AGO3: variants seen among roughly 807,000 people sequenced by gnomAD.
AGO3 encodes the protein argonaute RISC catalytic component 3, also known as protein argonaute-3.
AGO3 carries 16 observed loss-of-function variants against 105.5 expected under a neutral mutation model. That is an observed-to-expected ratio of 0.15 (90% CI 0.10 to 0.23). The LOEUF (loss-of-function observed/expected upper bound fraction) is 0.23, where lower values mean the gene tolerates loss of function less well. Among genes scored for constraint, AGO3 ranks in the 10% least tolerant of loss-of-function variants. The probability of loss-of-function intolerance (pLI) is 1.00; values close to 1 mark genes in which losing one functional copy is unlikely to be tolerated. For synonymous variants in AGO3, 340 were observed against 367.3 expected (o/e 0.93, Z 0.85); for missense variants, 534 against 1,088.0 (o/e 0.49, Z 7.16).
At chr1:36,021,257 G>A (rs1040482857) in intron 11 of AGO3, among the ~76,000 whole-genome samples, 2 of 152,046 alleles carry the variant, frequency 1.3e-5, no homozygotes, top group African/African-American at 4.8e-5. Context: ...AGCAGAAACC[G>A]CAATTACTTT....
At chr1:36,046,983 G>A (rs1446425503) in intron 17 of AGO3, among the ~76,000 whole-genome samples, 9 of 151,970 alleles carry the variant, frequency 5.9e-5, no homozygotes, top group African/African-American at 2.2e-4. Flanking sequence ...AGTGGCTCAC[G>A]CCTGTAATCT....
chr1:36,005,166 G>A (rs926266938), intron 6 of AGO3, among the ~76,000 whole-genome samples: 11 of 152,062 alleles, frequency 7.2e-5, no homozygotes, highest in Non-Finnish European at 1.6e-4. Context: ...AGAATGAATA[G>A]GATAAGTTCT....
Position 36,039,940 on chromosome 1 carries a change from A to G in AGO3, c.1993A>G (p.Ile665Val). 1 of 1,613,888 alleles carries G rather than the reference A, an allele frequency of 6.2e-7. No homozygotes were observed. The stretch of plus-strand genomic sequence containing the variant: ...GTCAACTCGGTTCAAGCCTACTCGT[A>G]TCATCTTTTATCGGGATGGTGTTTC... ...YKSTRFKPTR[I>V]IFYRDGVSEG... The change falls in exon 15 of 19, where the codon ATC (isoleucine) becomes GTC (valine). Residue 665 changes from isoleucine to valine, a missense_variant. Transcript: ENST00000373191.
intron 5 of AGO3, among the ~76,000 whole-genome samples, chr1:35,975,697 C>T (rs1646944111): frequency 6.6e-6 from 1 of 152,012 alleles, no homozygotes; most frequent in African/African-American, 2.4e-5. Context: ...CCAGACCATT[C>T]TTATGTATAA....
intron 2 of AGO3, among the ~76,000 whole-genome samples, chr1:35,947,641 G>A (rs1646391432): frequency 6.6e-6 from 1 of 152,136 alleles, no homozygotes; most frequent in Non-Finnish European, 1.5e-5. Context: ...AAAACTGGAT[G>A]TTCTAGAGGG....
intron 6 of AGO3, among the ~76,000 whole-genome samples, chr1:36,005,367 C>T (rs550526216): frequency 1.3e-5 from 2 of 152,124 alleles, no homozygotes; most frequent in South Asian, 2.1e-4. Context: ...ATAATTCATT[C>T]TTCGCCATTC....
intron 14 of AGO3, among the ~76,000 whole-genome samples, chr1:36,039,183 ATTC>A (rs1483087223): frequency 6.6e-6 from 1 of 152,184 alleles, no homozygotes; most frequent in Non-Finnish European, 1.5e-5. Flanking sequence ...GGGAAGTACT[ATTC>A]TTTTTAATTT....
intron 5 of AGO3, among the ~76,000 whole-genome samples, chr1:35,979,064 G>A (rs527639864): frequency 6.6e-6 from 1 of 152,056 alleles, no homozygotes; most frequent in South Asian, 2.1e-4. Context: ...TCATTGTGTT[G>A]TTAAAAAATG....
At position 36,071,841 on chromosome 1, in the gene AGO3, T is replaced by A. The variant is rs1443607152; in HGVS notation, c.*16096T>A. ...TTGACTGCCATATTTTAAGAGGAAA[T>A]TGAAACTTTATGGTGGAGAATGGAT... On this transcript the variant is annotated 3_prime_UTR_variant, in exon 19 of 19. Coordinates refer to ENST00000373191, the MANE Select transcript of AGO3 (RefSeq NM_024852.4). 1 of 152,160 alleles carries A rather than the reference T, an allele frequency of 6.6e-6. No homozygotes were observed. The highest frequency in any genetic ancestry group is 2.4e-5 in the African/African-American group (1 of 41,440). 9.4% of individuals were successfully genotyped at this position (152,160 alleles called of 1,614,324 possible).
chr1:35,986,120 T>A (rs1248618014), intron 5 of AGO3, among the ~76,000 whole-genome samples: 1 of 152,256 alleles, frequency 6.6e-6, no homozygotes, highest in Admixed American at 6.5e-5. Context: ...CACACATTGT[T>A]TGTAGTAGTA....
chr1:36,008,746 A>C lies in AGO3; in HGVS notation c.850A>C (p.Asn284His). The C allele has an allele frequency of 6.2e-7, 1 of 1,614,112 alleles. No individual in the cohort carries two copies. Residue 284 changes from asparagine (N) to histidine (H), a missense_variant, in exon 7 of 19, where the codon AAT becomes CAT. Coordinates refer to ENST00000373191, the MANE Select transcript of AGO3 (RefSeq NM_024852.4). This position sits in a 1 kb window ranked among gnomAD's most constrained non-coding sequence, Gnocchi z 5.1. ...GTMRRKYRVCNVTRRPASHQT... is the reference protein window; with the variant it reads ...GTMRRKYRVCHVTRRPASHQT... ...AATGAGACGGAAATACCGTGTTTGT[A>C]ATGTAACAAGGAGGCCTGCCAGTCA...
At chr1:35,940,126 G>A (rs1029949826) in intron 1 of AGO3, among the ~76,000 whole-genome samples, 1 of 151,936 alleles carries the variant, frequency 6.6e-6, no homozygotes, top group Non-Finnish European at 1.5e-5. Flanking sequence ...GAGTTCAGTG[G>A]CATGATCTTG....
chr1:35,950,636 AG>A, intron 2 of AGO3, among the ~76,000 whole-genome samples: 3 of 152,258 alleles, frequency 2.0e-5, no homozygotes, highest in Admixed American at 2.0e-4. Context: ...TTGTTAAAAG[AG>A]TATGTATGTT....
chr1:36,066,867 A>G lies in AGO3; in HGVS notation c.*11122A>G, dbSNP rs1175018515. ...GCTGGGATCCTTGGACAGAAACCTT[A>G]CAATTGTTTAATATTTGCAGAGTAA... On this transcript the variant is annotated 3_prime_UTR_variant, in exon 19 of 19. Coordinates refer to ENST00000373191, the MANE Select transcript of AGO3 (RefSeq NM_024852.4). The G allele has an allele frequency of 6.6e-6, 1 of 152,212 alleles. No individual in the cohort carries two copies. The highest frequency in any genetic ancestry group is 1.5e-5 in the Non-Finnish European group (1 of 68,042). 9.4% of individuals were successfully genotyped at this position (152,212 alleles called of 1,614,324 possible). A position where few individuals can be genotyped will look rare whatever the true frequency, so the allele number is the denominator to read the frequency against.
rs1329174244 is a variant in AGO3 at position 36,061,425 on chromosome 1, A to C, written c.*5680A>C. The C allele has an allele frequency of 2.0e-5, 3 of 152,238 alleles. No homozygotes were observed. Among genetic ancestry groups the C allele is most frequent in the African/African-American group, 7.2e-5 (3 of 41,464 alleles). The allele number at this position is 152,238 out of a possible 1,614,324, so 9.4% of individuals were successfully genotyped here. On this transcript the variant is annotated 3_prime_UTR_variant, in exon 19 of 19. Transcript: ENST00000373191. Reference sequence around the variant, plus strand: ...ATCAAAACTAGTACTCCAGATGTTTACATCATTGATTAAATCTCAAGAATC... The same window carrying C: ...ATCAAAACTAGTACTCCAGATGTTTCCATCATTGATTAAATCTCAAGAATC...
intron 3 of AGO3, among the ~76,000 whole-genome samples, chr1:35,969,954 T>A (rs1251622427): frequency 6.6e-6 from 1 of 152,194 alleles, no homozygotes; most frequent in Non-Finnish European, 1.5e-5. Context: ...AGCTTCATTA[T>A]AATCTAATGG....
At chr1:35,984,884 C>T (rs1647134813) in intron 5 of AGO3, among the ~76,000 whole-genome samples, 1 of 152,172 alleles carries the variant, frequency 6.6e-6, no homozygotes, top group Admixed American at 6.5e-5. Context: ...ATGAGGTACT[C>T]AGGAATAAAC....
chr1:36,034,012 T>C (rs1040311193), intron 12 of AGO3, among the ~76,000 whole-genome samples, 162 bp from the exon 13 acceptor site: 13 of 152,358 alleles, frequency 8.5e-5, no homozygotes, highest in Admixed American at 5.9e-4. Flanking sequence ...CAGTATACTT[T>C]CAATTTTAAC....
chr1:35,980,747 T>A (rs1353579671), intron 5 of AGO3, among the ~76,000 whole-genome samples: 1 of 152,168 alleles, frequency 6.6e-6, no homozygotes, highest in African/African-American at 2.4e-5. Context: ...TGCTTTTTTG[T>A]GTGTGATTGC....
Sources: allele counts gnomAD v4.1 joint callset (sites outside exome capture counted in the v4.1 genomes callset), GRCh38; gene constraint gnomAD v4.1.1; non-coding constraint Gnocchi (gnomAD v3.1); transcripts MANE v1.5; gene names NCBI Gene and HGNC (gene_info 2026-07-23, HGNC 2026-07-21).